The following LENG8 variants were observed in gnomAD, a reference collection of about 807,000 sequenced individuals.
The protein encoded by LENG8 is leukocyte receptor cluster member 8.
In LENG8, 28 loss-of-function variants were observed where a neutral mutation model predicts 102.1. The ratio of observed to expected loss-of-function variants is 0.27; its 90% CI spans 0.20 to 0.38. The LOEUF (loss-of-function observed/expected upper bound fraction) is 0.38, where lower values mean the gene tolerates loss of function less well. Ranked by LOEUF, LENG8 falls within the 10% of genes least tolerant of loss-of-function variation. The pLI, the probability that LENG8 is intolerant of heterozygous loss-of-function variation, is 1.00. For missense variants in LENG8, 1,022 were observed against 1,113.9 expected (o/e 0.92, Z 1.17); for synonymous variants, 531 against 456.7 (o/e 1.16, Z -2.07).
chr19:54,451,218 C>T lies in LENG8; in HGVS notation c.-55-72C>T. 3.0e-6 allele frequency: 3 copies of T among 998,864 alleles called. No individual in the cohort carries two copies. The Admixed American group carries it at 5.3e-5, about 18-fold the overall frequency. The allele number at this position is 998,864 out of a possible 1,614,324, so 61.9% of individuals were successfully genotyped here. A position where few individuals can be genotyped will look rare whatever the true frequency, so the allele number is the denominator to read the frequency against. On this transcript the variant is annotated intron_variant, in intron 1 of 15. Coordinates refer to ENST00000326764, the MANE Select transcript of LENG8 (RefSeq NM_052925.4). ...GCCCGGCTTCTCTTGAGTCCATCTACTTTTCTTCCCCACTTTGTGACGTGT... is the reference window on the plus strand; with the variant it reads ...GCCCGGCTTCTCTTGAGTCCATCTATTTTTCTTCCCCACTTTGTGACGTGT...
In LENG8 at chr19:54,456,256, T is replaced by G; in HGVS notation, c.1304+11T>G. 1 of 1,613,990 alleles carries G rather than the reference T, an allele frequency of 6.2e-7. No individual in the cohort carries two copies. Among genetic ancestry groups the G allele is most frequent in the Non-Finnish European group, 8.5e-7 (1 of 1,179,956 alleles). ...CCACTTCCGCAGAAGGTACTGAGGC[T>G]CCCGGCTGGGGCTGTGTGTGAGGGA... On this transcript the variant is annotated intron_variant, in intron 9 of 15. Coordinates refer to ENST00000326764, the MANE Select transcript of LENG8 (RefSeq NM_052925.4).
intron 15 of LENG8, chr19:54,459,812 T>C (rs910007812): frequency 2.9e-5 from 33 of 1,157,100 alleles, no homozygotes; most frequent in African/African-American, 3.2e-5. Flanking sequence ...TGCACAGAGC[T>C]CCATGACCAG....
At position 54,456,231 on chromosome 19, in the gene LENG8, C is replaced by T. The variant is rs1286184384; in HGVS notation, c.1290C>T (p.Arg430=). 2.5e-6 allele frequency: 4 copies of T among 1,613,304 alleles called. No homozygotes were observed. The South Asian group carries it at 3.3e-5, about 13-fold the overall frequency. Residue 430 remains arginine (R), a synonymous_variant, in exon 9 of 16, where the codon CGC becomes CGT. Transcript: ENST00000326764. ...GCTCCTCCTCCAGGTCCCCGACGCG[C>T]CACTTCCGCAGAAGGTACTGAGGCT... is the stretch of plus-strand genomic sequence containing the variant. ...RSRSSSRSPT[R]HFRRSDSHSD... is the part of the protein sequence containing the mutation.
rs148183739 is a variant in LENG8, at chr19:54,456,485, C to G, written c.1445+20C>G. The G allele has an allele frequency of 1.4e-5, 23 of 1,591,180 alleles. No homozygotes were observed. Among genetic ancestry groups the G allele is most frequent in the Non-Finnish European group, 2.0e-5 (23 of 1,171,848 alleles). On this transcript the variant is annotated intron_variant, in intron 10 of 15. Transcript: ENST00000326764. ...GAAGAGGTGAGACTGTGTGAGGGCT[C>G]GACACACGGGCCAGGGTGGAGGAGG...
rs1242645555 is a variant in LENG8 at position 54,461,493 on chromosome 19, A to G, written c.*565A>G. 2.1e-6 allele frequency: 1 copy of G among 466,994 alleles called. No homozygotes were observed. The allele number at this position is 466,994 out of a possible 1,614,324, so 28.9% of individuals were successfully genotyped here. ...CCTCGGCCCCCCACCCTGAAGTGCCAGCACCACCAGCACCAGATCCTCCGC... is the reference window on the plus strand; with the variant it reads ...CCTCGGCCCCCCACCCTGAAGTGCCGGCACCACCAGCACCAGATCCTCCGC... On this transcript the variant is annotated 3_prime_UTR_variant, in exon 16 of 16. Coordinates refer to ENST00000326764, the MANE Select transcript of LENG8 (RefSeq NM_052925.4).
At position 54,456,621 on chromosome 19, in the gene LENG8, CT is replaced by C. The variant is rs557820818; in HGVS notation, c.1446-14del. On this transcript the variant is annotated splice_polypyrimidine_tract_variant and intron_variant, in intron 10 of 15. Transcript: ENST00000326764. The stretch of plus-strand genomic sequence containing the variant: ...GAGACGCCTGTCGCGCTCACTGCCC[CT>C]CATCCCTTCCTAGGCACGATCTGGC... 5.9e-4 allele frequency: 950 copies of C among 1,602,588 alleles called. 10 individuals are homozygous for C. In the African/African-American group the frequency reaches 0.012, roughly 20 times the overall value.
At chr19:54,452,974 T>C (rs2084031961) in intron 4 of LENG8, among the ~76,000 whole-genome samples, 1 of 152,184 alleles carries the variant, frequency 6.6e-6, no homozygotes, top group Non-Finnish European at 1.5e-5. Flanking sequence ...TCTCTCCTCA[T>C]GCTCATTCTG....
rs768406700 is a variant in LENG8 at position 54,460,815 on chromosome 19, G to A, written c.2290G>A (p.Glu764Lys). ...CTACCTGCAGGCCGAGCTGGCCTTCGAGGGCGAGGCCGCCTGCCGGGCCTT... is the reference window on the plus strand; with the variant it reads ...CTACCTGCAGGCCGAGCTGGCCTTCAAGGGCGAGGCCGCCTGCCGGGCCTT... ...VSYLQAELAF[E>K]GEAACRAFLE... is the part of the protein sequence containing the mutation. Residue 764 changes from glutamate to lysine, a missense_variant, in exon 16 of 16, where the codon GAG becomes AAG. Glu to Lys is a moderately conservative substitution (Grantham distance 56, BLOSUM62 1). Transcript: ENST00000326764. 8 of 1,585,300 alleles carry A rather than the reference G, an allele frequency of 5.0e-6. No individual in the cohort carries two copies. The Admixed American group carries it at 5.3e-5, about 11-fold the overall frequency.
chr19:54,452,632 T>C lies in LENG8; in HGVS notation c.214-19T>C, dbSNP rs1000304964. 2.6e-6 allele frequency: 4 copies of C among 1,520,338 alleles called. No homozygotes were observed. The highest frequency in any genetic ancestry group is 3.9e-5 in the Admixed American group (2 of 51,590). The allele number at this position is 1,520,338 out of a possible 1,614,324, so 94.2% of individuals were successfully genotyped here. ...GTGGATTTGGGCTGCTGACGGCACA[T>C]GTGCCTCTGCTTCCACAGTACGTGT... is the stretch of plus-strand genomic sequence containing the variant. On this transcript the variant is annotated intron_variant, in intron 3 of 15. Transcript: ENST00000326764.
At chr19:54,459,865 C>T (rs1053531343) in intron 15 of LENG8, 1 of 1,168,630 alleles carries the variant, frequency 8.6e-7, no homozygotes, top group Non-Finnish European at 1.1e-6. Flanking sequence ...GCTGCTTAGT[C>T]TGCTGCCATG....
In LENG8 at chr19:54,456,307, T is replaced by G; in HGVS notation, c.1305-18T>G. ...GGGGGAGGCGTTTCAGGCCTGACCC[T>G]CCTGCTTCTTCCTGCAGTGACTCCC... On this transcript the variant is annotated intron_variant, in intron 9 of 15. Transcript: ENST00000326764. The G allele has an allele frequency of 6.2e-7, 1 of 1,614,016 alleles. No homozygotes were observed. Among genetic ancestry groups the G allele is most frequent in the Non-Finnish European group, 8.5e-7 (1 of 1,179,984 alleles).
chr19:54,451,337 A>T lies in LENG8; in HGVS notation c.-8A>T. ...CCCGAGGTCCACCCCTTATACCCCA[A>T]GGTCCAGATGGCGGCCAACGTGGGT... On this transcript the variant is annotated 5_prime_UTR_variant, in exon 2 of 16. It adds an upstream start codon to the 5' untranslated region. Transcript: ENST00000326764. 1 of 1,614,172 alleles carries T rather than the reference A, an allele frequency of 6.2e-7. No individual in the cohort carries two copies. The highest frequency in any genetic ancestry group is 8.5e-7 in the Non-Finnish European group (1 of 1,180,022).
Position 54,455,981 on chromosome 19 carries a change from C to T in LENG8, c.1040C>T (p.Pro347Leu), listed in dbSNP as rs777302468. ...REPLPGLTREPVAESPKKKRW... is the reference protein window; with the variant it reads ...REPLPGLTRELVAESPKKKRW... ...TGTATTCTCAGGCTGACCCGGGAGC[C>T]TGTGGCTGAGAGCCCTAAGAAGAAG... Residue 347 changes from proline to leucine, a missense_variant, in exon 9 of 16, where the codon CCT becomes CTT. Physicochemically the swap from Pro to Leu is moderately conservative, Grantham distance 98. Coordinates refer to ENST00000326764, the MANE Select transcript of LENG8 (RefSeq NM_052925.4). 1 of 1,612,618 alleles carries T rather than the reference C, an allele frequency of 6.2e-7. No homozygotes were observed. The highest frequency in any genetic ancestry group is 8.5e-7 in the Non-Finnish European group (1 of 1,179,686).
intron 8 of LENG8, 68 bp downstream of exon 8, chr19:54,455,635 A>G: frequency 7.1e-7 from 1 of 1,413,064 alleles, no homozygotes. Context: ...GTATGGAGGT[A>G]GGAGAGTTGC....
intron 15 of LENG8, chr19:54,460,357 C>A (rs2084467414): frequency 8.3e-7 from 1 of 1,209,008 alleles, no homozygotes; most frequent in Non-Finnish European, 1.1e-6. Flanking sequence ...CGCCTGGCTT[C>A]CCAGACACTG....
chr19:54,460,566 C>A, intron 15 of LENG8, 200 bp from the exon 16 acceptor site: 1 of 1,413,708 alleles, frequency 7.1e-7, no homozygotes, highest in Non-Finnish European at 9.2e-7. Context: ...GAGGGGGGCA[C>A]AGGGGACTGG....
In LENG8 at chr19:54,455,006, T is replaced by C. The variant is rs759493998; in HGVS notation, c.735T>C (p.Val245=). 6 of 1,614,200 alleles carry C rather than the reference T, an allele frequency of 3.7e-6. No homozygotes were observed. The highest frequency in any genetic ancestry group is 1.1e-5 in the South Asian group (1 of 91,090). ...KFNIQKRPFA[V]TTQSFGSNAE... ...ACATCCAGAAGCGACCCTTTGCTGT[T>C]ACCACCCAGAGCTTTGGCTCCAACG... Residue 245 remains valine (V), a synonymous_variant, in exon 7 of 16, where the codon GTT becomes GTC. Coordinates refer to ENST00000326764, the MANE Select transcript of LENG8 (RefSeq NM_052925.4).
Position 54,459,080 on chromosome 19 carries a change from G to A in LENG8, c.2240+559G>A, listed in dbSNP as rs146134001. 732 of 1,386,186 alleles carry A rather than the reference G, an allele frequency of 5.3e-4. 3 individuals carry two copies. The African/African-American group carries it at 9.6e-3, about 18-fold the overall frequency. 85.9% of individuals were successfully genotyped at this position (1,386,186 alleles called of 1,614,324 possible). A position where few individuals can be genotyped will look rare whatever the true frequency, so the allele number is the denominator to read the frequency against. The stretch of plus-strand genomic sequence containing the variant: ...GTGTCCTTCGTTCACTAGACATTGC[G>A]CCTGGCTTGCTGTGGGTGGGGATGA... On this transcript the variant is annotated intron_variant, in intron 15 of 15. Coordinates refer to ENST00000326764, the MANE Select transcript of LENG8 (RefSeq NM_052925.4).
In LENG8 at chr19:54,452,190, C is replaced by T; in HGVS notation, c.136C>T (p.Leu46=). 6.2e-7 allele frequency: 1 copy of T among 1,614,118 alleles called. No homozygotes were observed. The highest frequency in any genetic ancestry group is 1.1e-5 in the South Asian group (1 of 91,088). The change falls in exon 3 of 16, where the codon CTG becomes TTG. Residue 46 remains leucine (L), a synonymous_variant. Transcript: ENST00000326764. ...NPEWEKARQA[L]ASISKSGAAG... The stretch of plus-strand genomic sequence containing the variant: ...GGAGTGGGAGAAGGCCCGTCAGGCC[C>T]TGGCCAGCATCAGCAAGTCAGGAGC...
Sources: allele counts gnomAD v4.1 joint callset (sites outside exome capture counted in the v4.1 genomes callset), GRCh38; gene constraint gnomAD v4.1.1; transcripts MANE v1.5; gene names NCBI Gene and HGNC (gene_info 2026-07-23, HGNC 2026-07-21).